Variants in MED28 observed in about 807,000 individuals in gnomAD.
MED28 encodes mediator complex subunit 28.
MED28 carries 26 observed loss-of-function variants against 21.3 expected under a neutral mutation model. The observed-to-expected ratio is 1.22, with a 90% CI of 0.89 to 1.69. The LOEUF (loss-of-function observed/expected upper bound fraction) is 1.69, where lower values mean the gene tolerates loss of function less well. MED28 is among the 40% of genes most tolerant of loss of function. MED28 has a pLI of 0.00. For synonymous variants in MED28, 110 were observed against 87.6 expected, an observed-to-expected ratio of 1.26 and a Z score of -1.43; for missense variants, 257 against 215.4, an observed-to-expected ratio of 1.19 and a Z score of -1.21.
At chr4:17,617,276 T>C (rs913108653) in intron 1 of MED28, among the ~76,000 whole-genome samples, 4 of 152,246 alleles carry the variant, frequency 2.6e-5, no homozygotes, top group African/African-American at 9.6e-5. Context: ...GTGTTCTGTG[T>C]GGACCTCAAT....
At position 17,632,524 on chromosome 4, in the gene MED28, A is replaced by G; in HGVS notation, c.*8726A>G. ...AAGTATCCTCTGTGATGTATCCCAAAGGTTAGCTTAGAAAGAAAAGTACTT... is the reference window on the plus strand; with the variant it reads ...AAGTATCCTCTGTGATGTATCCCAAGGGTTAGCTTAGAAAGAAAAGTACTT... On this transcript the variant is annotated 3_prime_UTR_variant, in exon 4 of 4. Transcript: ENST00000237380. 1 of 1,544,262 alleles carries G rather than the reference A, an allele frequency of 6.5e-7. No homozygotes were observed. The highest frequency in any genetic ancestry group is 8.8e-7 in the Non-Finnish European group (1 of 1,141,022).
chr4:17,633,506 T>G lies in MED28; in HGVS notation c.*9708T>G, dbSNP rs1291834344. The G allele has an allele frequency of 1.9e-6, 1 of 530,478 alleles. No homozygotes were observed. The highest frequency in any genetic ancestry group is 3.3e-5 in the East Asian group (1 of 30,502). The allele number at this position is 530,478 out of a possible 1,614,324, so 32.9% of individuals were successfully genotyped here. A position where few individuals can be genotyped will look rare whatever the true frequency, so the allele number is the denominator to read the frequency against. On this transcript the variant is annotated 3_prime_UTR_variant, in exon 4 of 4. Coordinates refer to ENST00000237380, the MANE Select transcript of MED28 (RefSeq NM_025205.5). ...TTTGAATTCAGACCTCCAGGCCAGA[T>G]GGAGTCCACCTTTTGTATAACCCAT...
chr4:17,632,395 G>A lies in MED28; in HGVS notation c.*8597G>A, dbSNP rs34357041. The A allele has an allele frequency of 2.5e-5, 17 of 669,948 alleles. No individual in the cohort carries two copies. Among genetic ancestry groups the A allele is most frequent in the Middle Eastern group, 3.9e-4 (1 of 2,532 alleles). 41.5% of individuals were successfully genotyped at this position (669,948 alleles called of 1,614,324 possible). A position where few individuals can be genotyped will look rare whatever the true frequency, so the allele number is the denominator to read the frequency against. On this transcript the variant is annotated 3_prime_UTR_variant, in exon 4 of 4. Coordinates refer to ENST00000237380, the MANE Select transcript of MED28 (RefSeq NM_025205.5). ...TGGCAGAACAGTATGAAGTGTTAAC[G>A]CCAAAATTTGTTTTAGCTATCATAT...
rs1315728128 is a variant in MED28 at position 17,626,615 on chromosome 4, G to A, written c.*2817G>A. 1 of 152,144 alleles carries A rather than the reference G, an allele frequency of 6.6e-6. No homozygotes were observed. Among genetic ancestry groups the A allele is most frequent in the Non-Finnish European group, 1.5e-5 (1 of 68,048 alleles). 9.4% of individuals were successfully genotyped at this position (152,144 alleles called of 1,614,324 possible). On this transcript the variant is annotated 3_prime_UTR_variant, in exon 4 of 4. Coordinates refer to ENST00000237380, the MANE Select transcript of MED28 (RefSeq NM_025205.5). Reference sequence around the variant, plus strand: ...GCTTAGCTTCCTTGTCAGGCTCCAAGATGCAGATTGCCTGTGGGCTATCTC... The same window carrying A: ...GCTTAGCTTCCTTGTCAGGCTCCAAAATGCAGATTGCCTGTGGGCTATCTC...
At position 17,619,702 on chromosome 4, in the gene MED28, C is replaced by T. The variant is rs113157069; in HGVS notation, c.160-199C>T. On this transcript the variant is annotated intron_variant, in intron 1 of 3. Transcript: ENST00000237380. ...ATGTGGTGCCGGCTCGTTTGCCTGGCGCTTCCTCCATGGGCCTAATTAATT... is the reference window on the plus strand; with the variant it reads ...ATGTGGTGCCGGCTCGTTTGCCTGGTGCTTCCTCCATGGGCCTAATTAATT... Among the ~76,000 whole-genome samples, 883 of 152,212 alleles carry T rather than the reference C, an allele frequency of 5.8e-3. 8 individuals carry two copies. Among genetic ancestry groups the T allele is most frequent in the African/African-American group, 0.02 (848 of 41,524 alleles).
intron 3 of MED28, among the ~76,000 whole-genome samples, chr4:17,622,293 A>T (rs1247478118): frequency 6.6e-6 from 1 of 152,006 alleles, no homozygotes; most frequent in Non-Finnish European, 1.5e-5. Context: ...CAATGCCCTC[A>T]GTGAGAAACA....
At position 17,631,308 on chromosome 4, in the gene MED28, C is replaced by G. The variant is rs937469123; in HGVS notation, c.*7510C>G. 1.4e-4 allele frequency: 21 copies of G among 151,798 alleles called. 1 individual carries two copies. Among genetic ancestry groups the G allele is most frequent in the African/African-American group, 4.4e-4 (18 of 41,158 alleles). 9.4% of individuals were successfully genotyped at this position (151,798 alleles called of 1,614,324 possible). On this transcript the variant is annotated 3_prime_UTR_variant, in exon 4 of 4. Transcript: ENST00000237380. ...CTCATGCTGTCCTACCTCAGACTTC[C>G]AAGTAGCTGGGTTTTCTTTGGGCTA... is the stretch of plus-strand genomic sequence containing the variant.
At position 17,621,682 on chromosome 4, in the gene MED28, G is replaced by A; in HGVS notation, c.322G>A (p.Glu108Lys). ...ATTGCAGTTATCTGTCCAGAAACCAGAGCAAGTTATCAAAGAGGTATGAAC... is the reference window on the plus strand; with the variant it reads ...ATTGCAGTTATCTGTCCAGAAACCAAAGCAAGTTATCAAAGAGGTATGAAC... ...KRLQLSVQKP[E>K]QVIKEDVSEL... The change falls in exon 3 of 4, where the codon GAG becomes AAG. Residue 108 changes from glutamate to lysine, a missense_variant. Physicochemically the swap from Glu to Lys is moderately conservative, Grantham distance 56. Transcript: ENST00000237380. 6.2e-7 allele frequency: 1 copy of A among 1,609,916 alleles called. No individual in the cohort carries two copies. The highest frequency in any genetic ancestry group is 8.5e-7 in the Non-Finnish European group (1 of 1,178,646).
At chr4:17,622,946 G>T (rs1031237403) in intron 3 of MED28, among the ~76,000 whole-genome samples, 4 of 152,144 alleles carry the variant, frequency 2.6e-5, no homozygotes, top group Non-Finnish European at 5.9e-5. Flanking sequence ...TTGCCCCCGT[G>T]ATTCAATTAC....
chr4:17,628,255 CGTGTGTGTGTGTGTGTGTGT>C lies in MED28; in HGVS notation c.*4474_*4493del, dbSNP rs71167314. On this transcript the variant is annotated 3_prime_UTR_variant, in exon 4 of 4. Coordinates refer to ENST00000237380, the MANE Select transcript of MED28 (RefSeq NM_025205.5). Reference sequence around the variant, plus strand: ...GCTGGTTAAAACGAGTGACAGCTGCCGTGTGTGTGTGTGTGTGTGTGTGTGTGTGTGTGTGTATGTGTATA... The same window carrying C: ...GCTGGTTAAAACGAGTGACAGCTGCCGTGTGTGTGTGTGTGTATGTGTATA... 63 of 140,812 alleles carry C rather than the reference CGTGTGTGTGTGTGTGTGTGT, an allele frequency of 4.5e-4. 1 individual carries two copies. Among genetic ancestry groups the C allele is most frequent in the Admixed American group, 1.2e-3 (17 of 13,956 alleles). 8.7% of individuals were successfully genotyped at this position (140,812 alleles called of 1,614,324 possible). A position where few individuals can be genotyped will look rare whatever the true frequency, so the allele number is the denominator to read the frequency against.
intron 1 of MED28, among the ~76,000 whole-genome samples, chr4:17,618,101 TC>T (rs201549697): frequency 0.014 from 2,123 of 150,454 alleles, 21 homozygotes; most frequent in Middle Eastern, 0.024. Context: ...AACCTCCACT[TC>T]CTGGGCTCAA....
chr4:17,632,835 ACCATTGTTTGGTTCT>A lies in MED28; in HGVS notation c.*9046_*9060del, dbSNP rs922740219. 7.6e-5 allele frequency: 34 copies of A among 445,604 alleles called. No individual in the cohort carries two copies. The highest frequency in any genetic ancestry group is 6.2e-4 in the Middle Eastern group (1 of 1,602). 27.6% of individuals were successfully genotyped at this position (445,604 alleles called of 1,614,324 possible). A position where few individuals can be genotyped will look rare whatever the true frequency, so the allele number is the denominator to read the frequency against. On this transcript the variant is annotated 3_prime_UTR_variant, in exon 4 of 4. Transcript: ENST00000237380. ...TCCTCATTTGGAAAACAGAAGGTTC[ACCATTGTTTGGTTCT>A]CCATTGTTCCTTTGAGACTTAGTGG...
Position 17,624,136 on chromosome 4 carries a change from G to T in MED28, c.*338G>T. 3.4e-6 allele frequency: 1 copy of T among 296,350 alleles called. No homozygotes were observed. Among genetic ancestry groups the T allele is most frequent in the Non-Finnish European group, 6.5e-6 (1 of 154,218 alleles). 18.4% of individuals were successfully genotyped at this position (296,350 alleles called of 1,614,324 possible). On this transcript the variant is annotated 3_prime_UTR_variant, in exon 4 of 4. Transcript: ENST00000237380. Reference sequence around the variant, plus strand: ...TTTCATCTTTTTATGTGTGTTTCCTGTAGTTTGATCCGAAGGAAAAGAGTA... The same window carrying T: ...TTTCATCTTTTTATGTGTGTTTCCTTTAGTTTGATCCGAAGGAAAAGAGTA...
In MED28 at chr4:17,629,683, T is replaced by TTCA. The variant is rs1714869046; in HGVS notation, c.*5888_*5890dup. On this transcript the variant is annotated 3_prime_UTR_variant, in exon 4 of 4. Transcript: ENST00000237380. ...TTAATCCCGAATTGGATAATTTCTC[T>TTCA]TCATCTTCACTGTCACCTCTACGCC... 6.6e-6 allele frequency: 1 copy of TTCA among 152,244 alleles called. No homozygotes were observed. Among genetic ancestry groups the TTCA allele is most frequent in the Non-Finnish European group, 1.5e-5 (1 of 68,048 alleles). 9.4% of individuals were successfully genotyped at this position (152,244 alleles called of 1,614,324 possible). A position where few individuals can be genotyped will look rare whatever the true frequency, so the allele number is the denominator to read the frequency against.
chr4:17,634,081 T>C lies in MED28; in HGVS notation c.*10283T>C, dbSNP rs1051499514. 6.7e-6 allele frequency: 3 copies of C among 446,590 alleles called. No individual in the cohort carries two copies. Among genetic ancestry groups the C allele is most frequent in the Non-Finnish European group, 1.1e-5 (3 of 262,520 alleles). 27.7% of individuals were successfully genotyped at this position (446,590 alleles called of 1,614,324 possible). ...TCATTTTGTATTATAAATAAATATG[T>C]ATGTTCACAACCTCTTAACCAAAAC... On this transcript the variant is annotated 3_prime_UTR_variant, in exon 4 of 4. Transcript: ENST00000237380.
rs1027906433 is a variant in MED28, at chr4:17,631,209, T to C, written c.*7411T>C. On this transcript the variant is annotated 3_prime_UTR_variant, in exon 4 of 4. Coordinates refer to ENST00000237380, the MANE Select transcript of MED28 (RefSeq NM_025205.5). The stretch of plus-strand genomic sequence containing the variant: ...ACCCAAAGACCAGAGGTTCAGGGGA[T>C]ATATATATATATTTTTTTAATCTGT... 1 of 152,046 alleles carries C rather than the reference T, an allele frequency of 6.6e-6. No individual in the cohort carries two copies. Among genetic ancestry groups the C allele is most frequent in the African/African-American group, 2.4e-5 (1 of 41,354 alleles). 9.4% of individuals were successfully genotyped at this position (152,046 alleles called of 1,614,324 possible).
chr4:17,624,159 G>GTA lies in MED28; in HGVS notation c.*364_*365dup, dbSNP rs1352483273. On this transcript the variant is annotated 3_prime_UTR_variant, in exon 4 of 4. Coordinates refer to ENST00000237380, the MANE Select transcript of MED28 (RefSeq NM_025205.5). ...CTGTAGTTTGATCCGAAGGAAAAGAGTATAGTAGCCTGAGAATCAGGAGAT... is the reference window on the plus strand; with the variant it reads ...CTGTAGTTTGATCCGAAGGAAAAGAGTATATAGTAGCCTGAGAATCAGGAGAT... The GTA allele has an allele frequency of 3.9e-6, 1 of 254,586 alleles. No individual in the cohort carries two copies. Among genetic ancestry groups the GTA allele is most frequent in the Non-Finnish European group, 7.8e-6 (1 of 128,840 alleles). The allele number at this position is 254,586 out of a possible 1,614,324, so 15.8% of individuals were successfully genotyped here.
In MED28 at chr4:17,623,645, A is replaced by C. The variant is rs1560158537; in HGVS notation, c.384A>C (p.Leu128=). The change falls in exon 4 of 4, where the codon CTA becomes CTC. Residue 128 remains leucine, a synonymous_variant. Transcript: ENST00000237380. ...LRNELQRKDA[L]VQKHLTKLRH... is the part of the protein sequence containing the mutation. ...ATGAATTACAGCGGAAAGATGCACT[A>C]GTCCAGAAGCACTTGACAAAGCTGA... 6.2e-7 allele frequency: 1 copy of C among 1,614,246 alleles called. No homozygotes were observed. The highest frequency in any genetic ancestry group is 1.3e-5 in the African/African-American group (1 of 75,074).
chr4:17,630,684 GTGTT>G lies in MED28; in HGVS notation c.*6893_*6896del, dbSNP rs956012092. On this transcript the variant is annotated 3_prime_UTR_variant, in exon 4 of 4. Transcript: ENST00000237380. Reference sequence around the variant, plus strand: ...ATGGTGTGTTAATGTATGGTGACAAGTGTTTGTTTGCATTTAAAAATGCATTGGA... The same window carrying G: ...ATGGTGTGTTAATGTATGGTGACAAGTGTTTGCATTTAAAAATGCATTGGA... 1 of 152,164 alleles carries G rather than the reference GTGTT, an allele frequency of 6.6e-6. No individual in the cohort carries two copies. Among genetic ancestry groups the G allele is most frequent in the African/African-American group, 2.4e-5 (1 of 41,430 alleles). The allele number at this position is 152,164 out of a possible 1,614,324, so 9.4% of individuals were successfully genotyped here.
Sources: gnomAD v4.1 joint callset for allele counts (sites outside exome capture counted in the v4.1 genomes callset) on GRCh38, gnomAD v4.1.1 for gene constraint, MANE v1.5 for transcripts, NCBI Gene and HGNC (gene_info 2026-07-23, HGNC 2026-07-21) for gene names.